Variants in FOXN3 observed in about 807,000 individuals in gnomAD.
FOXN3 encodes forkhead box N3.
Under a neutral mutation model 38.4 loss-of-function variants are expected in FOXN3, and 7 were observed. The ratio of observed to expected loss-of-function variants is 0.18; its 90% CI spans 0.10 to 0.34. The LOEUF (loss-of-function observed/expected upper bound fraction) is 0.34. Ranked by LOEUF, FOXN3 falls within the 10% of genes least tolerant of loss-of-function variation. FOXN3 has a pLI of 1.00. For missense variants in FOXN3, 456 were observed against 613.4 expected (o/e 0.74, Z 2.71); for synonymous variants, 230 against 242.2 (o/e 0.95, Z 0.47).
chr14:89,265,539 G>A (rs1029296616), intron 4 of FOXN3, among the ~76,000 whole-genome samples: 1 of 152,110 alleles, frequency 6.6e-6, no homozygotes, highest in African/African-American at 2.4e-5. Flanking sequence ...TGGTAGAGAC[G>A]TCACTTGGAA....
At chr14:89,250,857 C>G (rs997150850) in intron 4 of FOXN3, among the ~76,000 whole-genome samples, 1 of 152,160 alleles carries the variant, frequency 6.6e-6, no homozygotes, top group Non-Finnish European at 1.5e-5. Flanking sequence ...GGGAGTTCCC[C>G]TGCACATGCT....
chr14:89,419,101 G>A, upstream of FOXN3: 1 of 456,040 alleles, frequency 2.2e-6, no homozygotes. Flanking sequence ...GTCATTCCAT[G>A]TGTGTTTTTG....
intron 3 of FOXN3, among the ~76,000 whole-genome samples, chr14:89,330,259 G>C (rs1252836489): frequency 6.6e-6 from 1 of 152,144 alleles, no homozygotes; most frequent in Non-Finnish European, 1.5e-5. Context: ...AATCTCCAAT[G>C]CCCTCAAATA....
chr14:89,437,292 A>G (rs1892293235), intron 1 of FOXN3, among the ~76,000 whole-genome samples: 1 of 152,182 alleles, frequency 6.6e-6, no homozygotes, highest in Non-Finnish European at 1.5e-5. Flanking sequence ...TAGGGAATCC[A>G]TGGTTAATGA....
intron 1 of FOXN3, among the ~76,000 whole-genome samples, chr14:89,464,221 A>G (rs1892922826): frequency 6.6e-6 from 1 of 152,172 alleles, no homozygotes; most frequent in East Asian, 1.9e-4. Flanking sequence ...AGGGGCCATG[A>G]GATTCCTCTA....
chr14:89,338,081 C>T (rs944208185), intron 3 of FOXN3, among the ~76,000 whole-genome samples: 1 of 152,166 alleles, frequency 6.6e-6, no homozygotes, highest in African/African-American at 2.4e-5. Flanking sequence ...AGTCTGGCCT[C>T]GTGCATACCC....
intron 1 of FOXN3, among the ~76,000 whole-genome samples, chr14:89,461,221 T>C (rs1413861215): frequency 6.9e-6 from 1 of 143,970 alleles, no homozygotes. Context: ...CCTGTAGTCC[T>C]AGCTACTCGG....
Position 89,412,634 on chromosome 14 carries a change from T to A in FOXN3, c.-14-144A>T. On this transcript the variant is annotated intron_variant, in intron 1 of 5. Transcript: ENST00000557258. The surrounding 1 kb of genome is among the most constrained non-coding windows in gnomAD (Gnocchi z 4.7). ...GAACACCACCTTGTGACTCCCACAC[T>A]AAGCAACACAATCCCACAATTCCAC... 1 of 606,314 alleles carries A rather than the reference T, an allele frequency of 1.6e-6. No individual in the cohort carries two copies. The highest frequency in any genetic ancestry group is 2.8e-6 in the Non-Finnish European group (1 of 353,116). 37.6% of individuals were successfully genotyped at this position (606,314 alleles called of 1,614,324 possible).
rs547045777 is a variant in FOXN3, at chr14:89,467,419, C to T, written c.-14-54929G>A. 4.7e-4 allele frequency among the ~76,000 whole-genome samples: 71 copies of T among 152,220 alleles called. 1 individual carries two copies. Among genetic ancestry groups the T allele is most frequent in the Middle Eastern group, 3.4e-3 (1 of 294 alleles). On this transcript the variant is annotated intron_variant, in intron 1 of 6. Transcript: ENST00000345097. ...GAGAGAGTTATGTCCAGCTGTTTCA[C>T]TTTAAAATACAATTACTGATGACAT... is the stretch of plus-strand genomic sequence containing the variant.
At chr14:89,549,436 TACA>T (rs1378103276) in intron 1 of FOXN3, among the ~76,000 whole-genome samples, 2 of 152,084 alleles carry the variant, frequency 1.3e-5, no homozygotes, top group Admixed American at 6.6e-5. Flanking sequence ...CAATCCCAAT[TACA>T]ACGACATTCG....
At chr14:89,399,273 G>A (rs2140085871) in intron 2 of FOXN3, among the ~76,000 whole-genome samples, 1 of 152,306 alleles carries the variant, frequency 6.6e-6, no homozygotes, top group East Asian at 1.9e-4. Flanking sequence ...ACAGGGACTG[G>A]CACCAACATC....
intron 1 of FOXN3, among the ~76,000 whole-genome samples, chr14:89,450,222 T>C (rs1892587921): frequency 6.6e-6 from 1 of 152,228 alleles, no homozygotes; most frequent in South Asian, 2.1e-4. Context: ...CCTTCCCCAA[T>C]GTTGTTGTAC....
In FOXN3 at chr14:89,392,637, CTTTTTTTTTT is replaced by C. The variant is rs71130072; in HGVS notation, c.543+19287_543+19296del. On this transcript the variant is annotated intron_variant, in intron 2 of 5. Transcript: ENST00000557258. Reference sequence around the variant, plus strand: ...CCCTGCACATGTGTCTGTGTCTCGTCTTTTTTTTTTTTTTTTTTTTTGAGATGGAGTCTCA... The same window carrying C: ...CCCTGCACATGTGTCTGTGTCTCGTCTTTTTTTTTTTGAGATGGAGTCTCA... Among the ~76,000 whole-genome samples the C allele has an allele frequency of 5.7e-4, 68 of 119,246 alleles. 1 individual carries two copies. The highest frequency in any genetic ancestry group is 7.9e-4 in the East Asian group (3 of 3,812). 78.2% of individuals were successfully genotyped at this position (119,246 alleles called of 152,430 possible). A position where few individuals can be genotyped will look rare whatever the true frequency, so the allele number is the denominator to read the frequency against.
chr14:89,546,398 C>T (rs1227517782), intron 1 of FOXN3, among the ~76,000 whole-genome samples: 4 of 126,242 alleles, frequency 3.2e-5, no homozygotes, highest in African/African-American at 1.2e-4. Flanking sequence ...GGCGCAATCT[C>T]GGCTCGCTGC....
chr14:89,387,140 C>A (rs1485187175), intron 2 of FOXN3, among the ~76,000 whole-genome samples: 1 of 152,212 alleles, frequency 6.6e-6, no homozygotes, highest in Non-Finnish European at 1.5e-5. Context: ...CCTGTAGTCT[C>A]AGCTACTCGG....
chr14:89,614,583 C>A (rs939510801), intron 1 of FOXN3, among the ~76,000 whole-genome samples: 1 of 152,204 alleles, frequency 6.6e-6, no homozygotes, highest in African/African-American at 2.4e-5. Context: ...GGTTCCAGGG[C>A]TCTGCAAGCA....
chr14:89,319,623 G>A (rs964385144), intron 3 of FOXN3, among the ~76,000 whole-genome samples: 1 of 152,036 alleles, frequency 6.6e-6, no homozygotes, highest in Non-Finnish European at 1.5e-5. Flanking sequence ...GAACCCTCCT[G>A]AAATCCAAAT....
At position 89,315,967 on chromosome 14, in the gene FOXN3, C is replaced by G. The variant is rs142762973; in HGVS notation, c.680+34705G>C. Among the ~76,000 whole-genome samples, 14 of 152,280 alleles carry G rather than the reference C, an allele frequency of 9.2e-5. No individual in the cohort carries two copies. The East Asian group carries it at 2.7e-3, about 29-fold the overall frequency. On this transcript the variant is annotated intron_variant, in intron 3 of 5. Transcript: ENST00000557258. ...AGAATGATGCTGCTTTCCCTTCTCCCAAGATCCTAGATAAACTCCTTGTTA... is the reference window on the plus strand; with the variant it reads ...AGAATGATGCTGCTTTCCCTTCTCCGAAGATCCTAGATAAACTCCTTGTTA...
chr14:89,257,486 A>C (rs1205812938), intron 4 of FOXN3, among the ~76,000 whole-genome samples: 1 of 152,236 alleles, frequency 6.6e-6, no homozygotes, highest in Non-Finnish European at 1.5e-5. Context: ...ACCTGTAAGT[A>C]CCAATTCCTG....
Sources: allele counts gnomAD v4.1 joint callset (sites outside exome capture counted in the v4.1 genomes callset), GRCh38; gene constraint gnomAD v4.1.1; non-coding constraint Gnocchi (gnomAD v3.1); transcripts MANE v1.5; gene names NCBI Gene and HGNC (gene_info 2026-07-23, HGNC 2026-07-21).